The following SMTN variants were observed in gnomAD, a reference collection of about 807,000 sequenced individuals.
The protein encoded by SMTN is smoothelin.
SMTN carries 58 observed loss-of-function variants against 102.0 expected under a neutral mutation model. The ratio of observed to expected loss-of-function variants is 0.57; its 90% CI spans 0.46 to 0.71. The LOEUF (loss-of-function observed/expected upper bound fraction) is 0.71. Among genes scored for constraint, SMTN ranks in the 30% least tolerant of loss-of-function variants. SMTN has a pLI of 0.00. For synonymous variants in SMTN, 478 were observed against 497.9 expected (o/e 0.96, Z 0.53); for missense variants, 1,185 against 1,241.7 (o/e 0.95, Z 0.69).
intron 2 of SMTN, chr22:31,083,540 C>CAG (rs2042452095): frequency 2.0e-6 from 1 of 504,828 alleles, no homozygotes. Flanking sequence ...TCCACAGCCA[C>CAG]CACCTGTTTA....
chr22:31,074,803 A>G (rs1471122992), intron 1 of SMTN, among the ~76,000 whole-genome samples: 2 of 151,480 alleles, frequency 1.3e-5, no homozygotes, highest in African/African-American at 2.4e-5. Context: ...CTCAAAAAAC[A>G]ACAAAAACAA....
Position 31,086,616 on chromosome 22 carries a change from A to G in SMTN, c.52-1349A>G, listed in dbSNP as rs549302345. On this transcript the variant is annotated intron_variant, in intron 2 of 20. Transcript: ENST00000333137. ...AGGAGAGGCCAAGTCACTGTTCCCA[A>G]CCCCACCCACTGGCAAATGAAAAAA... Among the ~76,000 whole-genome samples, 106 of 152,108 alleles carry G rather than the reference A, an allele frequency of 7.0e-4. 1 individual carries two copies. Among genetic ancestry groups the G allele is most frequent in the African/African-American group, 2.5e-3 (105 of 41,478 alleles).
At chr22:31,093,692 G>T (rs780041294) in intron 11 of SMTN, 9 of 960,360 alleles carry the variant, frequency 9.4e-6, no homozygotes, top group East Asian at 7.2e-5. Context: ...CTGAGCCTAC[G>T]GCTGGGGGTC....
At chr22:31,065,845 T>C (rs965944575) in intron 1 of SMTN, 6 of 151,984 alleles carry the variant, frequency 3.9e-5, no homozygotes, top group African/African-American at 1.5e-4. Context: ...AAAATGGATA[T>C]CATTATATCT....
chr22:31,074,044 G>A (rs1189399889), intron 1 of SMTN, among the ~76,000 whole-genome samples: 1 of 152,190 alleles, frequency 6.6e-6, no homozygotes, highest in South Asian at 2.1e-4. Context: ...TTAACACCCA[G>A]GCTTCGAACT....
chr22:31,090,154 G>A lies in SMTN; in HGVS notation c.839G>A (p.Arg280Lys), dbSNP rs35835175. Residue 280 changes from arginine (R) to lysine (K), a missense_variant, in exon 8 of 21, where the codon AGA becomes AAA. This residue lies in a region of SMTN where 1,096 missense variants were observed against 1,112.7 expected (regional missense o/e 0.98). Transcript: ENST00000333137. Reference protein sequence around the residue: ...KETPAAQSPTRGPSDTKRADV... With the variant: ...KETPAAQSPTKGPSDTKRADV... Reference sequence around the variant, plus strand: ...ACCCCTGCTGCCCAGAGCCCCACCAGAGGCCCCTCTGACACCAAGAGAGCA... The same window carrying A: ...ACCCCTGCTGCCCAGAGCCCCACCAAAGGCCCCTCTGACACCAAGAGAGCA... The A allele has an allele frequency of 1.9e-6, 3 of 1,611,882 alleles. No individual in the cohort carries two copies. Among genetic ancestry groups the A allele is most frequent in the Middle Eastern group, 1.7e-4 (1 of 6,058 alleles).
chr22:31,081,099 C>T (rs1276637473), upstream of SMTN, among the ~76,000 whole-genome samples: 2 of 152,030 alleles, frequency 1.3e-5, no homozygotes, highest in East Asian at 3.9e-4. Context: ...CGATGCCCAC[C>T]CGACTCGCTA....
intron 1 of SMTN, among the ~76,000 whole-genome samples, chr22:31,069,615 G>A (rs1427453622): frequency 6.6e-6 from 1 of 152,228 alleles, no homozygotes; most frequent in African/African-American, 2.4e-5. Context: ...GAGTCAGGAA[G>A]GATGCTAACT....
Position 31,099,805 on chromosome 22 carries a change from G to A in SMTN, c.2512G>A (p.Val838Met), listed in dbSNP as rs746243035. Residue 838 changes from valine to methionine, a missense_variant, in exon 19 of 21, where the codon GTG (valine) becomes ATG (methionine). This residue lies in a region of SMTN where 89 missense variants were observed against 128.9 expected (regional missense o/e 0.69). Transcript: ENST00000333137. Reference protein sequence around the residue: ...WSDGMAFCALVHNFFPEAFDY... With the variant: ...WSDGMAFCALMHNFFPEAFDY... ...TGATGGGATGGCCTTCTGTGCCCTG[G>A]TGCACAACTTCTTCCCTGAGGCCTT... The A allele has an allele frequency of 1.9e-6, 3 of 1,614,086 alleles. No individual in the cohort carries two copies. The highest frequency in any genetic ancestry group is 2.5e-6 in the Non-Finnish European group (3 of 1,179,964).
At chr22:31,079,902 A>G (rs557983633), upstream of SMTN, among the ~76,000 whole-genome samples, 1 of 152,338 alleles carries the variant, frequency 6.6e-6, no homozygotes, top group East Asian at 1.9e-4. Flanking sequence ...AGCTGGGATT[A>G]CAGGTGCATG....
intron 11 of SMTN, chr22:31,093,608 C>A: frequency 1.3e-6 from 1 of 758,844 alleles, no homozygotes; most frequent in Non-Finnish European, 2.4e-6. Context: ...GTGGCCCGGG[C>A]AGCTGAAGAG....
rs1036456735 is a variant in SMTN at position 31,104,590 on chromosome 22, A to G, written c.*295A>G. 4.4e-6 allele frequency: 4 copies of G among 907,104 alleles called. No individual in the cohort carries two copies. In the African/African-American group the frequency reaches 6.6e-5, roughly 15 times the overall value. The allele number at this position is 907,104 out of a possible 1,614,324, so 56.2% of individuals were successfully genotyped here. On this transcript the variant is annotated 3_prime_UTR_variant, in exon 21 of 21. Transcript: ENST00000333137. ...GCGACACCCTCCCCCCCACATACACACGCAGCGTTTTGATAAATTATTGGT... is the reference window on the plus strand; with the variant it reads ...GCGACACCCTCCCCCCCACATACACGCGCAGCGTTTTGATAAATTATTGGT...
At chr22:31,093,427 C>G (rs775498544) in intron 11 of SMTN, 2 of 491,132 alleles carry the variant, frequency 4.1e-6, no homozygotes, top group African/African-American at 1.9e-5. Flanking sequence ...CATTACCCCC[C>G]ATAGAGTCCC....
chr22:31,099,958 G>A, intron 19 of SMTN, 62 bp downstream of exon 19: 6 of 1,559,930 alleles, frequency 3.8e-6, no homozygotes, highest in Non-Finnish European at 5.2e-6. Context: ...ATCGGGACCA[G>A]GCCCAGTTGC....
intron 2 of SMTN, among the ~76,000 whole-genome samples, chr22:31,085,627 T>C (rs1416421537): frequency 3.9e-5 from 6 of 152,148 alleles, no homozygotes; most frequent in Admixed American, 2.0e-4. Context: ...TCCCCCTCGG[T>C]AGACAATGGC....
intron 1 of SMTN, among the ~76,000 whole-genome samples, chr22:31,075,322 C>T (rs763003679): frequency 2.2e-4 from 34 of 152,278 alleles, no homozygotes; most frequent in Non-Finnish European, 3.8e-4. Context: ...GGACAGTGTG[C>T]ATGCTCAGCA....
chr22:31,071,239 C>CAAA (rs60870558), intron 1 of SMTN, among the ~76,000 whole-genome samples: 2 of 115,524 alleles, frequency 1.7e-5, no homozygotes, highest in South Asian at 2.9e-4. Context: ...CACCCTGTCT[C>CAAA]AAAAAAAAAA....
At chr22:31,096,530 A>G (rs1481954394) in intron 13 of SMTN, 15 of 495,042 alleles carry the variant, frequency 3.0e-5, no homozygotes, top group South Asian at 4.2e-5. Flanking sequence ...GAGTCCATCA[A>G]ACCCTTCCCA....
chr22:31,098,803 G>A lies in SMTN; in HGVS notation c.2296G>A (p.Ala766Thr). ...PKTSASQARKAMIEKLEKEGA... is the reference protein window; with the variant it reads ...PKTSASQARKTMIEKLEKEGA... ...GACCTCAGCCTCCCAGGCGCGCAAG[G>A]CCATGATTGAGAAGCTGGAGAAGGA... The change falls in exon 17 of 21, where the codon GCC becomes ACC. Residue 766 changes from alanine to threonine, a missense_variant. Physicochemically the swap from Ala to Thr is moderately conservative, Grantham distance 58 (BLOSUM62 0). This residue lies in a region of SMTN where 1,096 missense variants were observed against 1,112.7 expected (regional missense o/e 0.98). Transcript: ENST00000333137. 6.2e-7 allele frequency: 1 copy of A among 1,612,468 alleles called. No individual in the cohort carries two copies. The highest frequency in any genetic ancestry group is 8.5e-7 in the Non-Finnish European group (1 of 1,179,782).
Sources: gnomAD v4.1 joint callset for allele counts (sites outside exome capture counted in the v4.1 genomes callset) on GRCh38, gnomAD v4.1.1 for gene constraint, gnomAD v4.1.1 regional missense constraint, MANE v1.5 for transcripts, NCBI Gene and HGNC (gene_info 2026-07-23, HGNC 2026-07-21) for gene names.